Variants in CLEC3A observed in about 807,000 individuals in gnomAD.
CLEC3A encodes C-type (calcium dependent, carbohydrate-recognition domain) lectin, superfamily member 1 (cartilage-derived).
Under a neutral mutation model 20.4 loss-of-function variants are expected in CLEC3A, and 28 were observed. That is an observed-to-expected ratio of 1.37 (90% CI 1.02 to 1.88). The LOEUF is 1.88. Among genes scored for constraint, CLEC3A ranks in the 40% most tolerant of loss-of-function variants. The probability of loss-of-function intolerance (pLI) is 0.00; values close to 1 mark genes in which losing one functional copy is unlikely to be tolerated. For synonymous variants in CLEC3A, 110 were observed against 88.1 expected (o/e 1.25, Z -1.39); for missense variants, 357 against 240.4 (o/e 1.48, Z -3.21).
rs576052464 is a variant in CLEC3A at position 78,025,395 on chromosome 16, C to A, written c.115+2654C>A. ...CTCCCCATGTTAGGATGTTATGAGA[C>A]ATTTCCAGAAGTAAAATTGCAGGTT... is the stretch of plus-strand genomic sequence containing the variant. On this transcript the variant is annotated intron_variant, in intron 1 of 2. Coordinates refer to ENST00000299642, the MANE Select transcript of CLEC3A (RefSeq NM_005752.6). Among the ~76,000 whole-genome samples the A allele has an allele frequency of 6.3e-4, 96 of 152,288 alleles. 1 individual carries two copies. Among genetic ancestry groups the A allele is most frequent in the African/African-American group, 2.3e-3 (95 of 41,562 alleles).
chr16:78,023,553 T>C (rs888628721), intron 1 of CLEC3A, among the ~76,000 whole-genome samples: 17 of 152,182 alleles, frequency 1.1e-4, no homozygotes, highest in African/African-American at 4.1e-4. Flanking sequence ...ATCATTTTCA[T>C]TTCAGGATAT....
At chr16:78,028,216 T>A in intron 2 of CLEC3A, 26 bp downstream of exon 2, 4 of 1,523,130 alleles carry the variant, frequency 2.6e-6, no homozygotes, top group Non-Finnish European at 3.5e-6. Context: ...TCTCAGTGCC[T>A]TGTCCCAAAG....
rs977522237 is a variant in CLEC3A at position 78,031,881 on chromosome 16, T to C, written c.*1040T>C. The C allele has an allele frequency of 1.3e-5, 2 of 152,520 alleles. No homozygotes were observed. The highest frequency in any genetic ancestry group is 3.9e-4 in the East Asian group (2 of 5,172). The allele number at this position is 152,520 out of a possible 1,614,324, so 9.4% of individuals were successfully genotyped here. On this transcript the variant is annotated 3_prime_UTR_variant, in exon 3 of 3. Coordinates refer to ENST00000299642, the MANE Select transcript of CLEC3A (RefSeq NM_005752.6). ...TTTAACTAGATTGTACAAAATAACT[T>C]CATTGCTTAATATCAAATTACAAAG...
intron 1 of CLEC3A, among the ~76,000 whole-genome samples, chr16:78,025,877 A>C (rs2029904561): frequency 6.6e-6 from 1 of 152,230 alleles, no homozygotes; most frequent in South Asian, 2.1e-4. Context: ...ATATCAATTC[A>C]TGTGTCTTCA....
chr16:78,025,479 G>A (rs2018799985), intron 1 of CLEC3A, among the ~76,000 whole-genome samples: 1 of 152,154 alleles, frequency 6.6e-6, no homozygotes, highest in South Asian at 2.1e-4. Flanking sequence ...CCCATCTTCT[G>A]TGTATGGGAG....
In CLEC3A at chr16:78,022,623, A is replaced by T; in HGVS notation, c.-4A>T. 1 of 1,614,044 alleles carries T rather than the reference A, an allele frequency of 6.2e-7. No homozygotes were observed. ...ACATGGCTCAGCAGGCTTGCCCCAG[A>T]GCCATGGCAAAGAATGGACTTGTAA... On this transcript the variant is annotated 5_prime_UTR_variant, in exon 1 of 3. Transcript: ENST00000299642.
At chr16:78,024,870 A>G (rs1048781715) in intron 1 of CLEC3A, among the ~76,000 whole-genome samples, 5 of 152,186 alleles carry the variant, frequency 3.3e-5, no homozygotes, top group African/African-American at 9.7e-5. Context: ...TCTGCCACCC[A>G]GGCTGGAGTG....
chr16:78,023,103 G>A (rs11863978), intron 1 of CLEC3A, among the ~76,000 whole-genome samples: 3,802 of 152,218 alleles, frequency 0.025, 57 homozygotes, highest in African/African-American at 0.042. Context: ...TATTAACTGA[G>A]CACACTGTTT....
At position 78,030,787 on chromosome 16, in the gene CLEC3A, T is replaced by C. The variant is rs772145285; in HGVS notation, c.540T>C (p.Asp180=). ...FSQSAQGKWS[D]EACRSSKRYI... ...AATCAGCTCAGGGCAAGTGGAGTGA[T>C]GAGGCCTGTCGCAGCAGCAAGAGAT... Residue 180 remains aspartate (D), a synonymous_variant, in exon 3 of 3, where the codon GAT becomes GAC. Transcript: ENST00000299642. 5 of 1,614,028 alleles carry C rather than the reference T, an allele frequency of 3.1e-6. No homozygotes were observed. In the South Asian group the frequency reaches 5.5e-5, roughly 18 times the overall value.
chr16:78,029,278 C>A (rs75742915), intron 2 of CLEC3A: 7 of 334,142 alleles, frequency 2.1e-5, no homozygotes, highest in African/African-American at 1.5e-4. Context: ...TCAGTTTATC[C>A]TGAATAATCT....
chr16:78,028,293 T>C (rs2735403), intron 2 of CLEC3A, 103 bp downstream of exon 2: 705,980 of 788,882 alleles, frequency 0.89, 316,892 homozygotes, highest in East Asian at 0.94. Flanking sequence ...GACAAATCAA[T>C]AATGTGGCCA....
chr16:78,030,917 T>G lies in CLEC3A; in HGVS notation c.*76T>G. On this transcript the variant is annotated 3_prime_UTR_variant, in exon 3 of 3. Coordinates refer to ENST00000299642, the MANE Select transcript of CLEC3A (RefSeq NM_005752.6). ...CATGATCTCTAAGATCAAGTAAAAATCATAATTTTTACTTATTAAAAAATT... is the reference window on the plus strand; with the variant it reads ...CATGATCTCTAAGATCAAGTAAAAAGCATAATTTTTACTTATTAAAAAATT... 1 of 1,460,360 alleles carries G rather than the reference T, an allele frequency of 6.8e-7. No individual in the cohort carries two copies. The highest frequency in any genetic ancestry group is 1.4e-5 in the South Asian group (1 of 70,664). The allele number at this position is 1,460,360 out of a possible 1,614,324, so 90.5% of individuals were successfully genotyped here.
rs1432905910 is a variant in CLEC3A at position 78,027,975 on chromosome 16, A to AT, written c.116-126dup. Reference sequence around the variant, plus strand: ...CAGCCCCAAGTTATTTTCACGCATTATTTTTTGTATACACTGGGCTCAGGT... The same window carrying AT: ...CAGCCCCAAGTTATTTTCACGCATTATTTTTTTGTATACACTGGGCTCAGGT... On this transcript the variant is annotated intron_variant, in intron 1 of 2. Transcript: ENST00000299642. The AT allele has an allele frequency of 2.8e-4, 195 of 708,726 alleles. 1 individual carries two copies. The highest frequency in any genetic ancestry group is 8.5e-5 in the Non-Finnish European group (35 of 411,106). 43.9% of individuals were successfully genotyped at this position (708,726 alleles called of 1,614,324 possible). A position where few individuals can be genotyped will look rare whatever the true frequency, so the allele number is the denominator to read the frequency against.
chr16:78,030,503 A>T lies in CLEC3A; in HGVS notation c.256A>T (p.Lys86Ter). ...ATGCTACCTTGCTTCAGAAGGTTTG[A>T]AGCATTTCCATGAGGCCAATGAAGA... ...KKCYLASEGL[K>*]HFHEANEDCI... Residue 86 changes from lysine (K) to a stop codon, truncating the protein, a stop_gained, in exon 3 of 3, where the codon AAG becomes TAG. Coordinates refer to ENST00000299642, the MANE Select transcript of CLEC3A (RefSeq NM_005752.6). LOFTEE classifies it high-confidence loss of function. 7 of 1,613,846 alleles carry T rather than the reference A, an allele frequency of 4.3e-6. No homozygotes were observed. Among genetic ancestry groups the T allele is most frequent in the Non-Finnish European group, 5.9e-6 (7 of 1,179,860 alleles).
rs1375193197 is a variant in CLEC3A at position 78,032,094 on chromosome 16, G to C, written c.*1253G>C. On this transcript the variant is annotated 3_prime_UTR_variant, in exon 3 of 3. Coordinates refer to ENST00000299642, the MANE Select transcript of CLEC3A (RefSeq NM_005752.6). ...TGCTCAATAATAAAGCCTGAATTCT[G>C]ATCAATAGAAAATGTGTTCGAGTGT... The C allele has an allele frequency of 6.6e-6, 1 of 152,490 alleles. No individual in the cohort carries two copies. Among genetic ancestry groups the C allele is most frequent in the Non-Finnish European group, 1.5e-5 (1 of 68,012 alleles). 9.4% of individuals were successfully genotyped at this position (152,490 alleles called of 1,614,324 possible). A position where few individuals can be genotyped will look rare whatever the true frequency, so the allele number is the denominator to read the frequency against.
chr16:78,026,586 G>C (rs1048921598), intron 1 of CLEC3A, among the ~76,000 whole-genome samples: 1 of 152,186 alleles, frequency 6.6e-6, no homozygotes, highest in African/African-American at 2.4e-5. Context: ...CTGCAGAATG[G>C]AGACAATGAT....
chr16:78,029,711 C>T (rs2030028905), intron 2 of CLEC3A, among the ~76,000 whole-genome samples: 1 of 151,738 alleles, frequency 6.6e-6, no homozygotes, highest in South Asian at 2.1e-4. Context: ...TATTAAATAC[C>T]ATCTAGTTCC....
At position 78,031,699 on chromosome 16, in the gene CLEC3A, AT is replaced by A. The variant is rs941474160; in HGVS notation, c.*862del. 33 of 152,142 alleles carry A rather than the reference AT, an allele frequency of 2.2e-4. 1 individual carries two copies. Among genetic ancestry groups the A allele is most frequent in the African/African-American group, 7.7e-4 (32 of 41,518 alleles). 9.4% of individuals were successfully genotyped at this position (152,142 alleles called of 1,614,324 possible). On this transcript the variant is annotated 3_prime_UTR_variant, in exon 3 of 3. Coordinates refer to ENST00000299642, the MANE Select transcript of CLEC3A (RefSeq NM_005752.6). ...AGTGGACTTACATTTCCTTTTTTAC[AT>A]TTTCGTATACTTATTTTTTTTAGCC...
chr16:78,027,049 T>G (rs541617068), intron 1 of CLEC3A, among the ~76,000 whole-genome samples: 25 of 152,314 alleles, frequency 1.6e-4, no homozygotes, highest in Non-Finnish European at 1.0e-4. Flanking sequence ...CATTCTTCAG[T>G]GGGAATCCAA....
Sources: gnomAD v4.1 joint callset for allele counts (sites outside exome capture counted in the v4.1 genomes callset) on GRCh38, gnomAD v4.1.1 for gene constraint, MANE v1.5 for transcripts, NCBI Gene and HGNC (gene_info 2026-07-23, HGNC 2026-07-21) for gene names.